ARHGAP25: variants seen among roughly 807,000 people sequenced by gnomAD.
The protein encoded by ARHGAP25 is rho GTPase-activating protein 25.
In ARHGAP25, 34 loss-of-function variants were observed where a neutral mutation model predicts 71.0. The ratio of observed to expected loss-of-function variants is 0.48; its 90% confidence interval spans 0.36 to 0.64. The LOEUF is 0.64. ARHGAP25 is among the 30% of genes least tolerant of loss of function. ARHGAP25 has a pLI of 0.00. For missense variants in ARHGAP25, 706 were observed against 805.1 expected (o/e 0.88, Z 1.49); for synonymous variants, 282 against 296.5 (o/e 0.95, Z 0.50).
Position 68,807,367 on chromosome 2 carries a change from C to T in ARHGAP25, c.561C>T (p.Phe187=), listed in dbSNP as rs150575126. The stretch of plus-strand genomic sequence containing the variant: ...TCCTGGTGGAGAAATGTGCAGAGTT[C>T]ATCCTGGAGCACGGCCGGAATGAAG... The part of the protein sequence containing the change: ...VPILVEKCAE[F]ILEHGRNEEG... Residue 187 remains phenylalanine, a synonymous_variant, in exon 5 of 11, where the codon TTC becomes TTT. Transcript: ENST00000409202. 1.9e-6 allele frequency: 3 copies of T among 1,614,110 alleles called. No individual in the cohort carries two copies. The highest frequency in any genetic ancestry group is 2.5e-6 in the Non-Finnish European group (3 of 1,180,048).
intron 8 of ARHGAP25, 25 bp from the exon 9 acceptor site, chr2:68,819,098 C>T (rs758574634): frequency 2.0e-6 from 3 of 1,524,060 alleles, no homozygotes; most frequent in Non-Finnish European, 2.6e-6. Flanking sequence ...CACTACACAA[C>T]AGATCTTTTT....
chr2:68,739,048 C>G (rs1022426624), intron 1 of ARHGAP25, among the ~76,000 whole-genome samples: 4 of 152,214 alleles, frequency 2.6e-5, no homozygotes, highest in Non-Finnish European at 5.9e-5. Context: ...AGGCCAACAG[C>G]CTTCTGGCCA....
At chr2:68,823,288 C>T (rs989846179) in intron 10 of ARHGAP25, among the ~76,000 whole-genome samples, 2 of 138,304 alleles carry the variant, frequency 1.4e-5, no homozygotes, top group Non-Finnish European at 3.2e-5. Context: ...AAAGTCCCTG[C>T]ACTTACAGAA....
At chr2:68,797,516 C>T (rs1679644486) in intron 4 of ARHGAP25, among the ~76,000 whole-genome samples, 1 of 152,192 alleles carries the variant, frequency 6.6e-6, no homozygotes, top group African/African-American at 2.4e-5. Flanking sequence ...CAACAACTCT[C>T]CTCTTGCTTA....
intron 1 of ARHGAP25, among the ~76,000 whole-genome samples, chr2:68,762,103 CATT>C (rs1475555061): frequency 6.6e-6 from 1 of 152,080 alleles, no homozygotes; most frequent in Non-Finnish European, 1.5e-5. Flanking sequence ...ATCTTGAGGA[CATT>C]ATGCTAAGTG....
At chr2:68,750,168 G>A (rs745681857) in intron 1 of ARHGAP25, among the ~76,000 whole-genome samples, 3 of 98,470 alleles carry the variant, frequency 3.0e-5, no homozygotes, top group East Asian at 2.5e-4. Flanking sequence ...CGCCATGCCC[G>A]GCTGATTTTT....
chr2:68,727,399 A>G (rs1313710672), intron 2 of ARHGAP25, among the ~76,000 whole-genome samples: 1 of 152,200 alleles, frequency 6.6e-6, no homozygotes, highest in Non-Finnish European at 1.5e-5. Flanking sequence ...AAGTGTGACC[A>G]CAATAGCACC....
chr2:68,795,322 C>G (rs778622762), intron 4 of ARHGAP25, among the ~76,000 whole-genome samples: 7 of 151,924 alleles, frequency 4.6e-5, no homozygotes, highest in Non-Finnish European at 8.8e-5. Flanking sequence ...TGAGTTTGGT[C>G]TGTTCTTGCT....
chr2:68,819,406 T>C (rs926072441), intron 9 of ARHGAP25, 87 bp downstream of exon 9: 1 of 1,450,646 alleles, frequency 6.9e-7, no homozygotes, highest in East Asian at 2.3e-5. Flanking sequence ...GGGTGGCAAT[T>C]TGGGGAGTTT....
intron 1 of ARHGAP25, among the ~76,000 whole-genome samples, chr2:68,741,143 C>T (rs1675499179): frequency 6.6e-6 from 1 of 152,206 alleles, no homozygotes; most frequent in South Asian, 2.1e-4. Context: ...ACTTGGATTA[C>T]ATTATCTTGC....
intron 3 of ARHGAP25, among the ~76,000 whole-genome samples, chr2:68,785,789 A>G (rs897075991): frequency 6.6e-6 from 1 of 152,178 alleles, no homozygotes; most frequent in African/African-American, 2.4e-5. Flanking sequence ...GCAGATTAAG[A>G]AAAGAAGAGA....
intron 2 of ARHGAP25, among the ~76,000 whole-genome samples, chr2:68,777,399 C>T (rs1021899927): frequency 3.3e-5 from 5 of 152,206 alleles, no homozygotes; most frequent in African/African-American, 1.2e-4. Context: ...ACTACCTGGC[C>T]TGCATTTGTC....
intron 1 of ARHGAP25, among the ~76,000 whole-genome samples, chr2:68,761,696 C>T (rs1019674692): frequency 2.0e-5 from 3 of 152,026 alleles, no homozygotes; most frequent in Admixed American, 6.6e-5. Context: ...GCAACTCACA[C>T]CCATTATGAT....
At chr2:68,798,299 G>A (rs537252439) in intron 4 of ARHGAP25, among the ~76,000 whole-genome samples, 1 of 152,146 alleles carries the variant, frequency 6.6e-6, no homozygotes, top group African/African-American at 2.4e-5. Flanking sequence ...GTTATTCCAT[G>A]TGTTCTGGTC....
At chr2:68,712,947 C>G (rs908419980) in intron 2 of ARHGAP25, among the ~76,000 whole-genome samples, 1 of 152,172 alleles carries the variant, frequency 6.6e-6, no homozygotes, top group African/African-American at 2.4e-5. Context: ...TAGCGTGATG[C>G]CTCCAGCTTT....
chr2:68,807,133 T>C (rs766895472), intron 4 of ARHGAP25, 140 bp from the exon 5 acceptor site: 105 of 763,344 alleles, frequency 1.4e-4, no homozygotes, highest in Middle Eastern at 7.0e-4. Flanking sequence ...CAGGAAATAT[T>C]CTGAGTGATT....
In ARHGAP25 at chr2:68,720,330, A is replaced by AG. The variant is rs1179843473; in HGVS notation, c.-18+9632_-18+9633insG. Among the ~76,000 whole-genome samples the AG allele has an allele frequency of 6.5e-4, 96 of 148,160 alleles. 1 individual carries two copies. The highest frequency in any genetic ancestry group is 1.6e-3 in the East Asian group (8 of 5,042). On this transcript the variant is annotated intron_variant and NMD_transcript_variant, in intron 2 of 7. Transcript: ENST00000463483. ...AACATTTCAGTCAAAAAAAAAAAAAAAAAGAAAAGAAAAGAAAAGAAAAAA... is the reference window on the plus strand; with the variant it reads ...AACATTTCAGTCAAAAAAAAAAAAAAGAAAGAAAAGAAAAGAAAAGAAAAAA...
At chr2:68,790,075 G>C (rs527528548) in intron 4 of ARHGAP25, among the ~76,000 whole-genome samples, 1 of 152,100 alleles carries the variant, frequency 6.6e-6, no homozygotes, top group Non-Finnish European at 1.5e-5. Flanking sequence ...TGCAACCTCC[G>C]CTTCCAGGGT....
At position 68,775,286 on chromosome 2, in the gene ARHGAP25, C is replaced by A; in HGVS notation, c.127C>A (p.Pro43Thr). Residue 43 changes from proline (P) to threonine (T), a missense_variant, in exon 2 of 11, where the codon CCG becomes ACG. By Grantham distance (38) the Pro-to-Thr change is conservative (BLOSUM62 -1). Transcript: ENST00000409202. ...CTTCCATCCATCGTCCACCCCCAAC[C>A]CGCTGGAGAGGCCCATCAAGATGGG... Reference protein sequence around the residue: ...AAFHPSSTPNPLERPIKMGWL... With the variant: ...AAFHPSSTPNTLERPIKMGWL... The A allele has an allele frequency of 1.9e-6, 3 of 1,614,264 alleles. No individual in the cohort carries two copies. Among genetic ancestry groups the A allele is most frequent in the Non-Finnish European group, 2.5e-6 (3 of 1,180,052 alleles).
Sources: allele counts gnomAD v4.1 joint callset (sites outside exome capture counted in the v4.1 genomes callset), GRCh38; gene constraint gnomAD v4.1.1; transcripts MANE v1.5; gene names NCBI Gene and HGNC (gene_info 2026-07-23, HGNC 2026-07-21).